The following CCDC33 variants were observed in gnomAD, a reference collection of about 807,000 sequenced individuals.
The protein encoded by CCDC33 is coiled-coil domain-containing protein 33.
CCDC33 carries 94 observed loss-of-function variants against 91.9 expected under a neutral mutation model. The observed-to-expected ratio is 1.02, with a 90% CI of 0.87 to 1.21. The LOEUF (loss-of-function observed/expected upper bound fraction) is 1.21, where lower values mean the gene tolerates loss of function less well. Ranked by LOEUF, CCDC33 falls within the 50% of genes most tolerant of loss-of-function variation. The pLI, the probability that CCDC33 is intolerant of heterozygous loss-of-function variation, is 0.00. For missense variants in CCDC33, 940 were observed against 935.5 expected, an observed-to-expected ratio of 1.00 and a Z score of -0.06; for synonymous variants, 396 against 374.5, an observed-to-expected ratio of 1.06 and a Z score of -0.66.
intron 1 of CCDC33, among the ~76,000 whole-genome samples, chr15:74,241,747 C>T (rs1238233876): frequency 6.6e-6 from 1 of 152,130 alleles, no homozygotes; most frequent in Non-Finnish European, 1.5e-5. Flanking sequence ...TGAGTGCTGA[C>T]CTGAGGATGC....
At chr15:74,260,318 C>T (rs976455576) in intron 2 of CCDC33, among the ~76,000 whole-genome samples, 2 of 152,178 alleles carry the variant, frequency 1.3e-5, no homozygotes, top group African/African-American at 2.4e-5. Flanking sequence ...CACCACTTTG[C>T]GGGTGTGAGG....
chr15:74,243,842 G>T, intron 1 of CCDC33, 143 bp from the exon 2 acceptor site: 3 of 876,216 alleles, frequency 3.4e-6, no homozygotes, highest in African/African-American at 1.7e-5. Flanking sequence ...CTACTGTGGA[G>T]GCTGAGGCAG....
At position 74,262,436 on chromosome 15, in the gene CCDC33, C is replaced by G. The variant is rs776488428; in HGVS notation, c.186-4C>G. On this transcript the variant is annotated splice_region_variant and splice_polypyrimidine_tract_variant and intron_variant, in intron 2 of 18. Transcript: ENST00000398814. ...TTGACTCACCCTGCCCCTGCTCTCC[C>G]CAGGAAAAGCACATCTGAGGAAAAG... 16 of 1,613,772 alleles carry G rather than the reference C, an allele frequency of 9.9e-6. No individual in the cohort carries two copies. In the South Asian group the frequency reaches 1.3e-4, roughly 13 times the overall value.
In CCDC33 at chr15:74,244,278, G is replaced by T; in HGVS notation, c.185+130G>T. 1 of 1,215,916 alleles carries T rather than the reference G, an allele frequency of 8.2e-7. No homozygotes were observed. The highest frequency in any genetic ancestry group is 2.5e-5 in the East Asian group (1 of 39,568). 75.3% of individuals were successfully genotyped at this position (1,215,916 alleles called of 1,614,324 possible). ...CTGTCATACCCAGAGGGGAGGAGCT[G>T]CTGTGGGCACTACCTGGCATCTCCG... is the stretch of plus-strand genomic sequence containing the variant. On this transcript the variant is annotated intron_variant, in intron 2 of 18. Transcript: ENST00000398814. The surrounding 1 kb of genome is among the most constrained non-coding windows in gnomAD (Gnocchi z 4.2).
rs200661258 is a variant in CCDC33, at chr15:74,332,737, G to A, written c.1830G>A (p.Pro610=). The change falls in exon 16 of 19, where the codon CCG becomes CCA. Residue 610 remains proline (P), a synonymous_variant. Transcript: ENST00000398814. ...TGGGTTCTATGGGAGAGAACCTGCC[G>A]GTTGAACTTTACTCGGTGCTGCTGG... ...LPLGSMGENL[P]VELYSVLLAE... is the part of the protein sequence containing the mutation. 4.4e-4 allele frequency: 710 copies of A among 1,614,204 alleles called. 3 individuals carry two copies. The highest frequency in any genetic ancestry group is 2.8e-3 in the Middle Eastern group (17 of 6,062).
intron 2 of CCDC33, among the ~76,000 whole-genome samples, chr15:74,220,633 C>A (rs776650636): frequency 6.6e-6 from 1 of 152,186 alleles, no homozygotes; most frequent in Non-Finnish European, 1.5e-5. Context: ...ATGGCTGAGT[C>A]GAACTCGGCA....
At chr15:74,330,511 C>T in intron 12 of CCDC33, 152 bp from the exon 13 acceptor site, 1 of 1,062,862 alleles carries the variant, frequency 9.4e-7, no homozygotes, top group Non-Finnish European at 1.4e-6. Flanking sequence ...ACAGTCCCTG[C>T]CCAGCTGGGT....
At chr15:74,293,000 C>T (rs545323747) in intron 10 of CCDC33, among the ~76,000 whole-genome samples, 2 of 152,284 alleles carry the variant, frequency 1.3e-5, no homozygotes, top group East Asian at 3.9e-4. Flanking sequence ...TCAGAATCCA[C>T]ATACAAGTAC....
intron 10 of CCDC33, among the ~76,000 whole-genome samples, chr15:74,287,631 G>C (rs945116007): frequency 3.3e-5 from 5 of 152,146 alleles, no homozygotes; most frequent in African/African-American, 1.2e-4. Flanking sequence ...AGACCAGCCT[G>C]GCCAACATGG....
At chr15:74,322,130 C>A (rs1167590761) in intron 11 of CCDC33, among the ~76,000 whole-genome samples, 1 of 152,158 alleles carries the variant, frequency 6.6e-6, no homozygotes, top group Non-Finnish European at 1.5e-5. Context: ...TTGGAGGGGT[C>A]TGGAGGCCAG....
rs373849757 is a variant in CCDC33, at chr15:74,331,312, G to C, written c.1771+16G>C. On this transcript the variant is annotated intron_variant, in intron 15 of 18. Coordinates refer to ENST00000398814, the MANE Select transcript of CCDC33 (RefSeq NM_025055.5). ...CCCTACACGGGTGGGTCCACACCCT[G>C]ATGTGATCAGCTCCCCAGCTTCTGC... 1.3e-5 allele frequency: 21 copies of C among 1,611,322 alleles called. No homozygotes were observed. In the African/African-American group the frequency reaches 2.7e-4, roughly 20 times the overall value.
intron 11 of CCDC33, 39 bp from the exon 12 acceptor site, chr15:74,330,150 T>TTAAAA: frequency 6.5e-7 from 1 of 1,534,424 alleles, no homozygotes; most frequent in Non-Finnish European, 8.8e-7. Flanking sequence ...AGGGTTGCTA[T>TTAAAA]GGGGCAGTGG....
At chr15:74,330,112 T>A (rs2060396582) in intron 11 of CCDC33, 77 bp from the exon 12 acceptor site, 6 of 1,482,286 alleles carry the variant, frequency 4.0e-6, no homozygotes, top group Non-Finnish European at 5.4e-6. Flanking sequence ...ACCCACTGAC[T>A]TTCAAGTGTA....
intron 2 of CCDC33, among the ~76,000 whole-genome samples, chr15:74,247,369 TATACACACAC>T (rs1189494631): frequency 1.9e-5 from 1 of 53,212 alleles, no homozygotes; most frequent in South Asian, 8.1e-4. Flanking sequence ...TATATATATA[TATACACACAC>T]ACACACACAC....
At chr15:74,291,786 G>A (rs2059589655) in intron 10 of CCDC33, among the ~76,000 whole-genome samples, 1 of 152,220 alleles carries the variant, frequency 6.6e-6, no homozygotes, top group Non-Finnish European at 1.5e-5. Context: ...TGGGGAGGAG[G>A]GAGACAGGTG....
intron 11 of CCDC33, among the ~76,000 whole-genome samples, chr15:74,309,017 A>T (rs57067892): frequency 0.037 from 5,561 of 152,164 alleles, 166 homozygotes; most frequent in African/African-American, 0.084. Context: ...GGGCTCACTC[A>T]GAGAGCTGGC....
At position 74,244,631 on chromosome 15, in the gene CCDC33, G is replaced by A. The variant is rs2142274426; in HGVS notation, c.185+483G>A. Reference sequence around the variant, plus strand: ...TATTATGGGGACTCCCCTAGTTCTGGGCCTTTAATGCACCCCACACACCCC... The same window carrying A: ...TATTATGGGGACTCCCCTAGTTCTGAGCCTTTAATGCACCCCACACACCCC... On this transcript the variant is annotated intron_variant, in intron 2 of 18. Coordinates refer to ENST00000398814, the MANE Select transcript of CCDC33 (RefSeq NM_025055.5). This position sits in a 1 kb window ranked among gnomAD's most constrained non-coding sequence, Gnocchi z 4.2. 6.6e-6 allele frequency among the ~76,000 whole-genome samples: 1 copy of A among 151,878 alleles called. No individual in the cohort carries two copies. Among genetic ancestry groups the A allele is most frequent in the South Asian group, 2.1e-4 (1 of 4,802 alleles).
intron 11 of CCDC33, 61 bp from the exon 12 acceptor site, chr15:74,330,128 G>T: frequency 6.7e-7 from 1 of 1,492,596 alleles, no homozygotes. Context: ...GTGTAGATGT[G>T]GATGTGGGAC....
At chr15:74,258,887 G>T (rs1333093970) in intron 2 of CCDC33, among the ~76,000 whole-genome samples, 1 of 152,176 alleles carries the variant, frequency 6.6e-6, no homozygotes, top group Non-Finnish European at 1.5e-5. Flanking sequence ...CTGTGCTTGA[G>T]CCTGGCCCCC....
Sources: gnomAD v4.1 joint callset for allele counts (sites outside exome capture counted in the v4.1 genomes callset) on GRCh38, gnomAD v4.1.1 for gene constraint, Gnocchi (gnomAD v3.1) non-coding constraint, MANE v1.5 for transcripts, NCBI Gene and HGNC (gene_info 2026-07-23, HGNC 2026-07-21) for gene names.